The following KCNIP3 variants were observed in gnomAD, a reference collection of about 807,000 sequenced individuals.
The protein encoded by KCNIP3 is calsenilin.
A neutral mutation model predicts 35.0 loss-of-function variants in KCNIP3; 28 were observed. The ratio of observed to expected loss-of-function variants is 0.80; its 90% CI spans 0.59 to 1.10. The LOEUF is 1.10. Ranked by LOEUF, KCNIP3 falls within the 50% of genes least tolerant of loss-of-function variation. The probability of loss-of-function intolerance (pLI) is 0.00; values close to 1 mark genes in which losing one functional copy is unlikely to be tolerated. For missense variants in KCNIP3, 295 were observed against 338.4 expected (o/e 0.87, Z 1.01); for synonymous variants, 134 against 133.8 (o/e 1.00, Z -0.01).
intron 2 of KCNIP3, among the ~76,000 whole-genome samples, chr2:95,368,235 G>C (rs1037317334): frequency 6.6e-6 from 1 of 152,104 alleles, no homozygotes; most frequent in African/African-American, 2.4e-5. Flanking sequence ...TGAGACTTGA[G>C]TAAACAGAAA....
intron 1 of KCNIP3, among the ~76,000 whole-genome samples, chr2:95,309,292 G>A (rs374187011): frequency 5.8e-4 from 88 of 152,336 alleles, no homozygotes; most frequent in South Asian, 1.9e-3. Flanking sequence ...AACTGAGCAT[G>A]GTGGGCAGTT....
chr2:95,359,784 C>T (rs2104284048), intron 2 of KCNIP3, among the ~76,000 whole-genome samples: 1 of 152,376 alleles, frequency 6.6e-6, no homozygotes, highest in East Asian at 1.9e-4. Context: ...AGGCTTACTG[C>T]TTGCCCTCTG....
At chr2:95,326,859 T>A (rs1276280857) in intron 2 of KCNIP3, among the ~76,000 whole-genome samples, 1 of 152,138 alleles carries the variant, frequency 6.6e-6, no homozygotes, top group African/African-American at 2.4e-5. Context: ...CGCCTGGAAC[T>A]CCCCTCGCCC....
At chr2:95,306,644 G>A (rs937675714) in intron 1 of KCNIP3, among the ~76,000 whole-genome samples, 17 of 152,040 alleles carry the variant, frequency 1.1e-4, no homozygotes, top group Non-Finnish European at 4.4e-5. Flanking sequence ...GTGCCAAGGC[G>A]GTGGTGTGGG....
chr2:95,314,406 G>A (rs1678401897), intron 2 of KCNIP3, among the ~76,000 whole-genome samples: 1 of 152,154 alleles, frequency 6.6e-6, no homozygotes, highest in African/African-American at 2.4e-5. Flanking sequence ...CACAAAGATG[G>A]ATTAAAGATG....
At chr2:95,369,626 A>G (rs1228689940) in intron 2 of KCNIP3, among the ~76,000 whole-genome samples, 1 of 149,110 alleles carries the variant, frequency 6.7e-6, no homozygotes, top group Admixed American at 6.7e-5. Context: ...TTTTTTTTCA[A>G]TTTTTTCAAT....
chr2:95,374,886 A>G lies in KCNIP3; in HGVS notation c.345A>G (p.Lys115=), dbSNP rs1680136468. ...GCCTGGTGGACGAAGACACCTTCAA[A>G]CTCATTTACGCGCAGTTCTTCCCTC... The part of the protein sequence containing the change: ...PTGLVDEDTF[K]LIYAQFFPQG... Residue 115 remains lysine, a synonymous_variant, in exon 4 of 9, where the codon AAA becomes AAG. Coordinates refer to ENST00000295225, the MANE Select transcript of KCNIP3 (RefSeq NM_013434.5). The G allele has an allele frequency of 6.2e-7, 1 of 1,613,880 alleles. No homozygotes were observed. Among genetic ancestry groups the G allele is most frequent in the Admixed American group, 1.7e-5 (1 of 60,014 alleles).
rs780519851 is a variant in KCNIP3 at position 95,354,849 on chromosome 2, G to A, written c.182-19447G>A. On this transcript the variant is annotated intron_variant, in intron 2 of 8. Coordinates refer to ENST00000295225, the MANE Select transcript of KCNIP3 (RefSeq NM_013434.5). Reference sequence around the variant, plus strand: ...TGGGGCCAGTGGTGATGCTGTGGGTGTGCTGGGTGCTCTGTTCCCTGGCTG... The same window carrying A: ...TGGGGCCAGTGGTGATGCTGTGGGTATGCTGGGTGCTCTGTTCCCTGGCTG... Among the ~76,000 whole-genome samples, 21 of 152,286 alleles carry A rather than the reference G, an allele frequency of 1.4e-4. No individual in the cohort carries two copies. The Middle Eastern group carries it at 0.01, about 74-fold the overall frequency.
Position 95,318,485 on chromosome 2 carries a change from C to T in KCNIP3, c.181+7965C>T, listed in dbSNP as rs1344494027. On this transcript the variant is annotated intron_variant, in intron 2 of 8. Coordinates refer to ENST00000295225, the MANE Select transcript of KCNIP3 (RefSeq NM_013434.5). ...CCTCCCAAAACCTATGAAACCTAAGCAACCTGGAGGCCTTGGCAGGGATGT... is the reference window on the plus strand; with the variant it reads ...CCTCCCAAAACCTATGAAACCTAAGTAACCTGGAGGCCTTGGCAGGGATGT... Among the ~76,000 whole-genome samples the T allele has an allele frequency of 2.6e-5, 4 of 152,344 alleles. No individual in the cohort carries two copies. In the East Asian group the frequency reaches 7.7e-4, roughly 29 times the overall value.
chr2:95,345,411 C>G (rs1192441925), intron 2 of KCNIP3, among the ~76,000 whole-genome samples: 1 of 152,258 alleles, frequency 6.6e-6, no homozygotes, highest in Non-Finnish European at 1.5e-5. Context: ...GGGGCCCTCG[C>G]AGCCACGCGC....
At chr2:95,343,281 T>A (rs1299941614) in intron 2 of KCNIP3, among the ~76,000 whole-genome samples, 1 of 151,604 alleles carries the variant, frequency 6.6e-6, no homozygotes, top group East Asian at 1.9e-4. Flanking sequence ...GATGAAGAGG[T>A]CAGCTTTGGA....
intron 2 of KCNIP3, among the ~76,000 whole-genome samples, chr2:95,346,139 G>A (rs1679350658): frequency 6.6e-6 from 1 of 152,228 alleles, no homozygotes. Context: ...ATTTTCAAAG[G>A]GGGCCAGCCT....
In KCNIP3 at chr2:95,382,256, GT is replaced by G. The variant is rs934480341; in HGVS notation, c.556-120del. 8.6e-5 allele frequency: 46 copies of G among 534,504 alleles called. No homozygotes were observed. The highest frequency in any genetic ancestry group is 8.4e-4 in the African/African-American group (43 of 51,284). The allele number at this position is 534,504 out of a possible 1,614,324, so 33.1% of individuals were successfully genotyped here. A position where few individuals can be genotyped will look rare whatever the true frequency, so the allele number is the denominator to read the frequency against. The stretch of plus-strand genomic sequence containing the variant: ...GCGGACAGGCTTCTCTCTCCAGCTC[GT>G]CCGGCCCCTCGCACTCACTGCCTTG... On this transcript the variant is annotated intron_variant, in intron 6 of 8. Transcript: ENST00000295225. This position sits in a 1 kb window ranked among gnomAD's most constrained non-coding sequence, Gnocchi z 4.5.
rs772057246 is a variant in KCNIP3 at position 95,381,662 on chromosome 2, A to G, written c.514A>G (p.Asn172Asp). 2.5e-6 allele frequency: 4 copies of G among 1,614,048 alleles called. No individual in the cohort carries two copies. In the South Asian group the frequency reaches 3.3e-5, roughly 13 times the overall value. ...TVHEKLKWAF[N>D]LYDINKDGYI... ...CCACGAGAAGCTCAAGTGGGCCTTT[A>G]ATCTCTACGACATTAACAAGGATGG... The change falls in exon 6 of 9, where the codon AAT (asparagine) becomes GAT (aspartate). Residue 172 changes from asparagine (N) to aspartate (D), a missense_variant. By Grantham distance (23) the Asn-to-Asp change is conservative (BLOSUM62 1). Coordinates refer to ENST00000295225, the MANE Select transcript of KCNIP3 (RefSeq NM_013434.5).
At chr2:95,314,066 C>T (rs1406774674) in intron 2 of KCNIP3, among the ~76,000 whole-genome samples, 6 of 152,080 alleles carry the variant, frequency 3.9e-5, no homozygotes, top group Non-Finnish European at 8.8e-5. Context: ...CCTCAGTCGC[C>T]GATGCATCCC....
chr2:95,382,490 G>A lies in KCNIP3; in HGVS notation c.660+9G>A, dbSNP rs777981160. The stretch of plus-strand genomic sequence containing the variant: ...TGGAGAGGTTCTTCGAGGTGAGCGA[G>A]CGCCAGCCCTGCCTAGGGAGGGGAG... On this transcript the variant is annotated intron_variant, in intron 7 of 8. Transcript: ENST00000295225. The surrounding 1 kb of genome is among the most constrained non-coding windows in gnomAD (Gnocchi z 4.5). 1.1e-5 allele frequency: 18 copies of A among 1,586,948 alleles called. No homozygotes were observed. The South Asian group carries it at 1.9e-4, about 17-fold the overall frequency.
chr2:95,352,247 C>T (rs1279015502), intron 2 of KCNIP3, among the ~76,000 whole-genome samples: 5 of 152,296 alleles, frequency 3.3e-5, no homozygotes, highest in Middle Eastern at 3.4e-3. Flanking sequence ...GAGCAAGACT[C>T]TGTCTCAAAA....
At chr2:95,359,776 G>T (rs1437568013) in intron 2 of KCNIP3, among the ~76,000 whole-genome samples, 2 of 152,240 alleles carry the variant, frequency 1.3e-5, no homozygotes, top group African/African-American at 4.8e-5. Flanking sequence ...TGCTGCCAAG[G>T]CTTACTGCTT....
At chr2:95,320,598 A>C (rs1678569689) in intron 2 of KCNIP3, among the ~76,000 whole-genome samples, 1 of 151,790 alleles carries the variant, frequency 6.6e-6, no homozygotes, top group Non-Finnish European at 1.5e-5. Context: ...ATTCCCTGGG[A>C]GCATCCCCTC....
Sources: gnomAD v4.1 joint callset for allele counts (sites outside exome capture counted in the v4.1 genomes callset) on GRCh38, gnomAD v4.1.1 for gene constraint, Gnocchi (gnomAD v3.1) non-coding constraint, MANE v1.5 for transcripts, NCBI Gene and HGNC (gene_info 2026-07-23, HGNC 2026-07-21) for gene names.